HMCN2: variants seen among roughly 807,000 people sequenced by gnomAD.
HMCN2 encodes the protein hemicentin-2.
In HMCN2, 325 loss-of-function variants were observed where a neutral mutation model predicts 377.5. The ratio of observed to expected loss-of-function variants is 0.86; its 90% CI spans 0.79 to 0.94. The LOEUF is 0.94. HMCN2 is among the 40% of genes least tolerant of loss of function. The pLI is 0.00. For synonymous variants in HMCN2, 2,007 were observed against 2,046.8 expected, an observed-to-expected ratio of 0.98 and a Z score of 0.53; for missense variants, 4,543 against 4,725.3, an observed-to-expected ratio of 0.96 and a Z score of 1.13.
intron 75 of HMCN2, 72 bp downstream of exon 75, chr9:130,398,779 A>T: frequency 2.4e-4 from 186 of 766,300 alleles, no homozygotes; most frequent in Middle Eastern, 5.6e-4. Context: ...TCACGGGGGC[A>T]TGGGGCAGGG....
At chr9:130,289,312 T>A (rs1835607394) in intron 4 of HMCN2, among the ~76,000 whole-genome samples, 1 of 152,120 alleles carries the variant, frequency 6.6e-6, no homozygotes, top group South Asian at 2.1e-4. Flanking sequence ...AAAGGTGTCC[T>A]TCTAAGACAG....
intron 4 of HMCN2, among the ~76,000 whole-genome samples, chr9:130,294,002 T>A (rs1470922712): frequency 6.6e-6 from 1 of 151,656 alleles, no homozygotes; most frequent in Non-Finnish European, 1.5e-5. Context: ...AGGGGTGGGG[T>A]CCAGTGTAGC....
At chr9:130,297,347 G>A (rs12555056) in intron 7 of HMCN2, among the ~76,000 whole-genome samples, 52,995 of 152,032 alleles carry the variant, frequency 0.35, 11,210 homozygotes, top group African/African-American at 0.61. Flanking sequence ...CATCCAATTC[G>A]AAGCCACCCA....
intron 47 of HMCN2, 88 bp from the exon 48 acceptor site, chr9:130,372,950 G>A (rs2131602485): frequency 4.4e-6 from 1 of 229,024 alleles, no homozygotes; most frequent in Non-Finnish European, 7.2e-6. Context: ...GTGGGCTCTT[G>A]GCTTCTTGTT....
At position 130,425,374 on chromosome 9, in the gene HMCN2, G is replaced by A. The variant is rs117318126; in HGVS notation, c.13641+244G>A. On this transcript the variant is annotated intron_variant, in intron 89 of 97. Coordinates refer to ENST00000683500, the MANE Select transcript of HMCN2 (RefSeq NM_001291815.2). The stretch of plus-strand genomic sequence containing the variant: ...AGAGTATTCTTGTTCAAAAGCACGA[G>A]TCCTGAAGAGAGGTGAGCTGCCTAG... 3.6e-4 allele frequency among the ~76,000 whole-genome samples: 55 copies of A among 152,232 alleles called. 1 individual carries two copies. In the East Asian group the frequency reaches 9.9e-3, roughly 27 times the overall value.
chr9:130,331,018 C>T (rs913617730), intron 22 of HMCN2, among the ~76,000 whole-genome samples: 93 of 139,624 alleles, frequency 6.7e-4, no homozygotes, highest in Admixed American at 8.0e-4. Flanking sequence ...AATAGCCGGA[C>T]GTGGTGGTGC....
At chr9:130,266,226 G>T (rs1401748753) in intron 1 of HMCN2, 89 bp downstream of exon 1, 1 of 382,262 alleles carries the variant, frequency 2.6e-6, no homozygotes, top group Non-Finnish European at 5.2e-6. Flanking sequence ...AACGCACCTG[G>T]ACGTCGTGGG....
chr9:130,327,177 CCTT>C (rs1323707197), intron 21 of HMCN2, 130 bp from the exon 22 acceptor site: 2 of 152,390 alleles, frequency 1.3e-5, no homozygotes, highest in African/African-American at 4.8e-5. Context: ...GCCATATCCA[CCTT>C]CTGGACCTCC....
chr9:130,357,856 T>C lies in HMCN2; in HGVS notation c.5448T>C (p.Ile1816=), dbSNP rs111649107. 4.8e-4 allele frequency: 621 copies of C among 1,303,952 alleles called. 6 individuals carry two copies. In the African/African-American group the frequency reaches 7.7e-3, roughly 16 times the overall value. The allele number at this position is 1,303,952 out of a possible 1,614,324, so 80.8% of individuals were successfully genotyped here. A position where few individuals can be genotyped will look rare whatever the true frequency, so the allele number is the denominator to read the frequency against. Residue 1816 remains isoleucine, a synonymous_variant, in exon 35 of 98, where the codon ATT becomes ATC. Transcript: ENST00000683500. ...SVHEFPSVSI[I]GGENITAPFL... Reference sequence around the variant, plus strand: ...CAGAGTTCCCATCGGTCAGTATCATTGGGGGTGAGAACATCACAGCTCCTT... The same window carrying C: ...CAGAGTTCCCATCGGTCAGTATCATCGGGGGTGAGAACATCACAGCTCCTT...
intron 4 of HMCN2, among the ~76,000 whole-genome samples, chr9:130,286,515 G>A (rs951439142): frequency 3.3e-5 from 5 of 152,294 alleles, no homozygotes; most frequent in South Asian, 4.1e-4. Flanking sequence ...ATCTTATCTC[G>A]CCAAACCCTT....
Position 130,431,501 on chromosome 9 carries a change from G to A in HMCN2, c.14767+15G>A, listed in dbSNP as rs1321283964. 1.9e-6 allele frequency: 3 copies of A among 1,546,612 alleles called. No homozygotes were observed. The highest frequency in any genetic ancestry group is 1.2e-5 in the South Asian group (1 of 83,958). ...GAACTGCCAGGGTGAGCCGGGCTCA[G>A]GCCGCCGCCCAAACACCCGTGGGGC... On this transcript the variant is annotated intron_variant, in intron 96 of 97. Coordinates refer to ENST00000683500, the MANE Select transcript of HMCN2 (RefSeq NM_001291815.2).
At chr9:130,387,997 T>C (rs1842108352) in intron 61 of HMCN2, among the ~76,000 whole-genome samples, 1 of 152,338 alleles carries the variant, frequency 6.6e-6, no homozygotes, top group Middle Eastern at 3.4e-3. Flanking sequence ...GATGGCTACA[T>C]TGATGAACAG....
At chr9:130,277,769 CCACCATCATCAT>C (rs1554923663) in intron 1 of HMCN2, among the ~76,000 whole-genome samples, 3 of 126,062 alleles carry the variant, frequency 2.4e-5, no homozygotes, top group Non-Finnish European at 3.4e-5. Context: ...ATCATCACCA[CCACCATCATCAT>C]CACCACCACC....
rs1434810619 is a variant in HMCN2, at chr9:130,392,093, C to G, written c.10111C>G (p.Leu3371Val). ...LPLPLSQRTL[L>V]HGSGHTLRIS... ...CCTCCCGCTCTCCCAGCGCACCCTC[C>G]TCCACGGCTCTGGCCACACCCTCAG... is the stretch of plus-strand genomic sequence containing the variant. The change falls in exon 66 of 98, where the codon CTC becomes GTC. Residue 3371 changes from leucine (L) to valine (V), a missense_variant. Physicochemically the swap from Leu to Val is conservative, Grantham distance 32 (BLOSUM62 1). This residue lies in a region of HMCN2 where 1,073 missense variants were observed against 1,319.5 expected (regional missense o/e 0.81). Coordinates refer to ENST00000683500, the MANE Select transcript of HMCN2 (RefSeq NM_001291815.2). The G allele has an allele frequency of 5.1e-6, 5 of 988,478 alleles. No homozygotes were observed. In the South Asian group the frequency reaches 2.3e-4, roughly 46 times the overall value. The allele number at this position is 988,478 out of a possible 1,614,324, so 61.2% of individuals were successfully genotyped here.
In HMCN2 at chr9:130,367,554, CCCT is replaced by C. The variant is rs59946500; in HGVS notation, c.6626-717_6626-715del. ...GCCAGGTCCACCAGTTGCCTGGTCACCCTCCTCAGGCCACTGTAGCTAAGTGGA... is the reference window on the plus strand; with the variant it reads ...GCCAGGTCCACCAGTTGCCTGGTCACCCTCAGGCCACTGTAGCTAAGTGGA... On this transcript the variant is annotated intron_variant, in intron 43 of 97. Transcript: ENST00000683500. Among the ~76,000 whole-genome samples the C allele has an allele frequency of 4.7e-3, 722 of 152,228 alleles. 6 individuals carry two copies. The highest frequency in any genetic ancestry group is 0.017 in the African/African-American group (692 of 41,528).
chr9:130,348,136 A>G (rs1221287357), intron 26 of HMCN2: 1 of 724,694 alleles, frequency 1.4e-6, no homozygotes, highest in East Asian at 1.3e-4. Context: ...CTTCCCCAGG[A>G]CCAGCTGCTC....
At chr9:130,289,756 C>T (rs1588179401) in intron 4 of HMCN2, among the ~76,000 whole-genome samples, 1 of 152,154 alleles carries the variant, frequency 6.6e-6, no homozygotes, top group African/African-American at 2.4e-5. Context: ...GAAAAAGATT[C>T]TCTGCTAGGG....
In HMCN2 at chr9:130,425,022, G is replaced by A. The variant is rs778964917; in HGVS notation, c.13533G>A (p.Thr4511=). 14 of 1,547,810 alleles carry A rather than the reference G, an allele frequency of 9.0e-6. No homozygotes were observed. The highest frequency in any genetic ancestry group is 2.4e-5 in the East Asian group (1 of 40,916). The change falls in exon 89 of 98, where the codon ACG becomes ACA. Residue 4511 remains threonine (T), a synonymous_variant. Transcript: ENST00000683500. ...HVEFATGELL[T]MTQVARGLDP... is the part of the protein sequence containing the mutation. ...GATGGTTTGCAGGGGAGCTGCTCACGATGACCCAGGTGGCCCGGGGTCTGG... is the reference window on the plus strand; with the variant it reads ...GATGGTTTGCAGGGGAGCTGCTCACAATGACCCAGGTGGCCCGGGGTCTGG...
At position 130,391,700 on chromosome 9, in the gene HMCN2, C is replaced by T. The variant is rs543581743; in HGVS notation, c.9952+126C>T. 1.2e-5 allele frequency: 10 copies of T among 868,158 alleles called. No homozygotes were observed. In the African/African-American group the frequency reaches 1.6e-4, roughly 14 times the overall value. The allele number at this position is 868,158 out of a possible 1,614,324, so 53.8% of individuals were successfully genotyped here. A position where few individuals can be genotyped will look rare whatever the true frequency, so the allele number is the denominator to read the frequency against. On this transcript the variant is annotated intron_variant, in intron 65 of 97. Coordinates refer to ENST00000683500, the MANE Select transcript of HMCN2 (RefSeq NM_001291815.2). ...CTCACTTCCCTGGGCCTCCATGGCC[C>T]ATCCTCAAACTAGAGGACAATAGTG... is the stretch of plus-strand genomic sequence containing the variant.
Sources: allele counts gnomAD v4.1 joint callset (sites outside exome capture counted in the v4.1 genomes callset), GRCh38; gene constraint gnomAD v4.1.1; regional missense constraint gnomAD v4.1.1; transcripts MANE v1.5; gene names NCBI Gene and HGNC (gene_info 2026-07-23, HGNC 2026-07-21).